Variants in DOCK2 observed in about 807,000 individuals in gnomAD.
DOCK2 encodes the protein dedicator of cytokinesis 2.
Under a neutral mutation model 248.9 loss-of-function variants are expected in DOCK2, and 87 were observed. The ratio of observed to expected loss-of-function variants is 0.35; its 90% CI spans 0.29 to 0.42. The LOEUF (loss-of-function observed/expected upper bound fraction) is 0.42, where lower values mean the gene tolerates loss of function less well. Among genes scored for constraint, DOCK2 ranks in the 10% least tolerant of loss-of-function variants. The probability of loss-of-function intolerance (pLI) is 1.00; values close to 1 mark genes in which losing one functional copy is unlikely to be tolerated. For synonymous variants in DOCK2, 805 were observed against 821.6 expected, an observed-to-expected ratio of 0.98 and a Z score of 0.35; for missense variants, 1,747 against 2,300.2, an observed-to-expected ratio of 0.76 and a Z score of 4.92.
Position 169,671,988 on chromosome 5 carries a change from C to T in DOCK2, c.321+814C>T, listed in dbSNP as rs140019702. 3.8e-3 allele frequency among the ~76,000 whole-genome samples: 579 copies of T among 152,102 alleles called. 5 individuals are homozygous for T. Among genetic ancestry groups the T allele is most frequent in the African/African-American group, 0.012 (514 of 41,516 alleles). ...CAATTTTTTGTTCATCTCCACTATA[C>T]GCTGACCTTTTTTTTTTATTTATTT... On this transcript the variant is annotated intron_variant, in intron 5 of 51. Coordinates refer to ENST00000520908, the MANE Select transcript of DOCK2 (RefSeq NM_004946.3).
At chr5:170,059,794 T>C (rs781030508) in intron 44 of DOCK2, among the ~76,000 whole-genome samples, 1 of 152,220 alleles carries the variant, frequency 6.6e-6, no homozygotes, top group Non-Finnish European at 1.5e-5. Flanking sequence ...CCGGTTACCT[T>C]ATTTTATAAA....
Position 169,951,484 on chromosome 5 carries a change from T to C in DOCK2, c.2800-31584T>C, listed in dbSNP as rs371847041. On this transcript the variant is annotated intron_variant, in intron 27 of 51. Transcript: ENST00000520908. ...GCTTAGAAATTCTTGGCTAATTCAC[T>C]CAGAGCCTGCTGTGTGCTGCCTGCT... Among the ~76,000 whole-genome samples, 279 of 152,248 alleles carry C rather than the reference T, an allele frequency of 1.8e-3. 6 individuals carry two copies. The South Asian group carries it at 0.048, about 26-fold the overall frequency.
At chr5:170,044,034 G>A (rs1056702443) in intron 38 of DOCK2, among the ~76,000 whole-genome samples, 2 of 152,256 alleles carry the variant, frequency 1.3e-5, no homozygotes, top group Non-Finnish European at 2.9e-5. Context: ...GATGGGTACA[G>A]CTTACCCTGA....
chr5:169,995,114 C>A (rs1485002030), intron 29 of DOCK2, among the ~76,000 whole-genome samples: 9 of 151,228 alleles, frequency 6.0e-5, no homozygotes, highest in African/African-American at 2.2e-4. Context: ...CTGCAACCTC[C>A]AACTCCTGGG....
chr5:169,811,901 C>A (rs376085488), intron 26 of DOCK2, among the ~76,000 whole-genome samples: 17 of 152,354 alleles, frequency 1.1e-4, no homozygotes, highest in African/African-American at 4.1e-4. Flanking sequence ...CCTCTACAGG[C>A]TTTAAGTCAG....
chr5:169,919,188 T>C (rs1270686278), intron 27 of DOCK2, among the ~76,000 whole-genome samples: 3 of 152,232 alleles, frequency 2.0e-5, no homozygotes, highest in African/African-American at 7.2e-5. Context: ...GCTCAGTTCA[T>C]TGTTTTGAAT....
In DOCK2 at chr5:169,714,171, C is replaced by T. The variant is rs2113536259; in HGVS notation, c.1803C>T (p.Ser601=). 6.2e-7 allele frequency: 1 copy of T among 1,613,034 alleles called. No individual in the cohort carries two copies. The highest frequency in any genetic ancestry group is 8.5e-7 in the Non-Finnish European group (1 of 1,179,376). Residue 601 remains serine (S), a synonymous_variant, in exon 18 of 52, where the codon TCC becomes TCT. Coordinates refer to ENST00000520908, the MANE Select transcript of DOCK2 (RefSeq NM_004946.3). ...GLSVSSRDVF[S]ISTLVCSTKL... Reference sequence around the variant, plus strand: ...CTGTCAGCTCCCGGGATGTGTTCTCCATTTCCACCCTGGTGTGCTCCACAA... The same window carrying T: ...CTGTCAGCTCCCGGGATGTGTTCTCTATTTCCACCCTGGTGTGCTCCACAA...
Position 169,700,797 on chromosome 5 carries a change from G to A in DOCK2, c.1258+658G>A, listed in dbSNP as rs60971507. Among the ~76,000 whole-genome samples the A allele has an allele frequency of 6.2e-4, 95 of 152,192 alleles. 3 individuals carry two copies. In the East Asian group the frequency reaches 0.017, roughly 28 times the overall value. Reference sequence around the variant, plus strand: ...TCAAAATGGAGTCAGCTATGCTAAAGGGTCATGTCATCAAACCTAAACTAA... The same window carrying A: ...TCAAAATGGAGTCAGCTATGCTAAAAGGTCATGTCATCAAACCTAAACTAA... On this transcript the variant is annotated intron_variant, in intron 13 of 51. Coordinates refer to ENST00000520908, the MANE Select transcript of DOCK2 (RefSeq NM_004946.3).
At chr5:170,008,957 G>T (rs1755173526) in intron 32 of DOCK2, among the ~76,000 whole-genome samples, 1 of 151,980 alleles carries the variant, frequency 6.6e-6, no homozygotes, top group South Asian at 2.1e-4. Context: ...CCTGCAAGCA[G>T]CTGTGAATAT....
intron 26 of DOCK2, among the ~76,000 whole-genome samples, chr5:169,811,985 C>T (rs902228895): frequency 1.3e-5 from 2 of 152,174 alleles, no homozygotes; most frequent in Non-Finnish European, 2.9e-5. Context: ...GCTGGGGCTA[C>T]GGCTGTGAGC....
At chr5:169,737,762 G>A (rs1363687381) in intron 22 of DOCK2, among the ~76,000 whole-genome samples, 2 of 152,190 alleles carry the variant, frequency 1.3e-5, no homozygotes, top group Non-Finnish European at 2.9e-5. Flanking sequence ...CTGGAAGGTG[G>A]CATTCCTGGA....
At chr5:169,923,605 AT>A (rs1775292290) in intron 27 of DOCK2, among the ~76,000 whole-genome samples, 1 of 152,136 alleles carries the variant, frequency 6.6e-6, no homozygotes, top group Non-Finnish European at 1.5e-5. Flanking sequence ...GCACGTCTCT[AT>A]CCCTCTTTGA....
Position 169,966,649 on chromosome 5 carries a change from G to A in DOCK2, c.2800-16419G>A, listed in dbSNP as rs370980989. On this transcript the variant is annotated intron_variant, in intron 27 of 51. Transcript: ENST00000520908. ...TTATTTTACAGGTGAGGAAGAGGAA[G>A]GAAAAGCAATCCTGGCACACAGGGA... Among the ~76,000 whole-genome samples, 15 of 152,264 alleles carry A rather than the reference G, an allele frequency of 9.9e-5. No homozygotes were observed. The South Asian group carries it at 3.1e-3, about 32-fold the overall frequency.
intron 27 of DOCK2, among the ~76,000 whole-genome samples, chr5:169,903,719 G>C (rs916867012): frequency 2.0e-5 from 3 of 152,128 alleles, no homozygotes; most frequent in Admixed American, 6.6e-5. Flanking sequence ...AAAGAAGTAA[G>C]TTTGGAGAAA....
intron 19 of DOCK2, among the ~76,000 whole-genome samples, chr5:169,715,954 G>T (rs1350601259): frequency 1.3e-5 from 2 of 152,250 alleles, no homozygotes; most frequent in African/African-American, 4.8e-5. Context: ...GCCTGTGGAA[G>T]TAGTTTGCAC....
At chr5:169,843,909 T>C (rs1770149424) in intron 27 of DOCK2, among the ~76,000 whole-genome samples, 1 of 152,270 alleles carries the variant, frequency 6.6e-6, no homozygotes, top group Non-Finnish European at 1.5e-5. Flanking sequence ...TGCTGAATAA[T>C]AGTGCATTAT....
At chr5:169,879,163 G>A (rs1772494751) in intron 27 of DOCK2, among the ~76,000 whole-genome samples, 1 of 152,206 alleles carries the variant, frequency 6.6e-6, no homozygotes, top group Non-Finnish European at 1.5e-5. Flanking sequence ...CATCTCCAGA[G>A]AAGAAGACCC....
At chr5:169,980,456 G>A (rs1242818782) in intron 27 of DOCK2, 2 of 152,050 alleles carry the variant, frequency 1.3e-5, no homozygotes, top group African/African-American at 2.4e-5. Context: ...ATAAAAAGCC[G>A]AACAAACTGC....
intron 46 of DOCK2, among the ~76,000 whole-genome samples, chr5:170,070,243 C>T (rs1757637249): frequency 6.6e-6 from 1 of 152,262 alleles, no homozygotes; most frequent in Admixed American, 6.5e-5. Flanking sequence ...CCCTCCCTCG[C>T]TTTCTTCTTG....
Sources: gnomAD v4.1 joint callset for allele counts (sites outside exome capture counted in the v4.1 genomes callset) on GRCh38, gnomAD v4.1.1 for gene constraint, MANE v1.5 for transcripts, NCBI Gene and HGNC (gene_info 2026-07-23, HGNC 2026-07-21) for gene names.